The following GLIS3 variants were observed in gnomAD, a reference collection of about 807,000 sequenced individuals.
GLIS3 encodes GLIS family zinc finger 3.
A neutral mutation model predicts 78.6 loss-of-function variants in GLIS3; 53 were observed. That is an observed-to-expected ratio of 0.67 (90% CI 0.54 to 0.85). GLIS3 has a LOEUF of 0.85. Among genes scored for constraint, GLIS3 ranks in the 40% least tolerant of loss-of-function variants. The probability of loss-of-function intolerance (pLI) is 0.00; values close to 1 mark genes in which losing one functional copy is unlikely to be tolerated. For synonymous variants in GLIS3, 684 were observed against 509.9 expected (o/e 1.34, Z -4.60); for missense variants, 1,703 against 1,231.1 (o/e 1.38, Z -5.74).
intron 4 of GLIS3, among the ~76,000 whole-genome samples, chr9:4,043,900 G>C (rs1199377817): frequency 2.6e-5 from 4 of 152,206 alleles, no homozygotes; most frequent in Non-Finnish European, 5.9e-5. Flanking sequence ...GGGGCTCCCA[G>C]ATATATCAGC....
At chr9:4,381,655 T>C in the GLIS3 span, among the ~76,000 whole-genome samples, 1 of 152,216 alleles carries the variant, frequency 6.6e-6, no homozygotes, top group African/African-American at 2.4e-5. Context: ...ACTTCTTGAT[T>C]CATTTTACTT....
chr9:4,112,299 T>C (rs192707805), intron 4 of GLIS3, among the ~76,000 whole-genome samples: 43 of 152,292 alleles, frequency 2.8e-4, no homozygotes, highest in Non-Finnish European at 5.9e-5. Flanking sequence ...CAAGAGAACA[T>C]TAAACTACCC....
At chr9:4,490,023 A>G in the GLIS3 span, among the ~76,000 whole-genome samples, 187 of 152,302 alleles carry the variant, frequency 1.2e-3, 1 homozygote, top group African/African-American at 4.2e-3. Flanking sequence ...GTAGCCGAGC[A>G]AGAGGGACCC....
At chr9:4,289,789 C>G (rs962652781) in intron 1 of GLIS3, among the ~76,000 whole-genome samples, 1 of 152,118 alleles carries the variant, frequency 6.6e-6, no homozygotes, top group Admixed American at 6.6e-5. Context: ...TGAAAATGTT[C>G]ATTCTGCTAA....
the GLIS3 span, among the ~76,000 whole-genome samples, chr9:4,385,772 AGAAAGAAAGAAAGAAAGAAAGAAAGAAAG>A: frequency 1.4e-5 from 1 of 69,304 alleles, no homozygotes; most frequent in Non-Finnish European, 2.8e-5. Context: ...AAAGAAAGAA[AGAAAGAAAGAAAGAAAGAAAGAAAGAAAG>A]AAAGAAAGAA....
intron 6 of GLIS3, among the ~76,000 whole-genome samples, chr9:3,926,237 T>TTG (rs1554648261): frequency 6.7e-6 from 1 of 149,358 alleles, no homozygotes; most frequent in Non-Finnish European, 1.5e-5. Context: ...TCTTTTGTTT[T>TTG]TTTTTTTTTC....
chr9:4,032,164 T>C (rs1440247147), intron 4 of GLIS3, among the ~76,000 whole-genome samples: 3 of 152,190 alleles, frequency 2.0e-5, no homozygotes, highest in Non-Finnish European at 4.4e-5. Context: ...GCCTGATGTA[T>C]GGATGTGGAA....
At chr9:4,333,133 G>C (rs1461824441) in intron 2 of GLIS3, among the ~76,000 whole-genome samples, 3 of 152,118 alleles carry the variant, frequency 2.0e-5, no homozygotes, top group African/African-American at 7.2e-5. Flanking sequence ...TATAGTCCTA[G>C]CTACTCAGAA....
rs1828413531 is a variant in GLIS3, at chr9:4,079,967, C to G, written c.1710+37801G>C. On this transcript the variant is annotated intron_variant, in intron 4 of 10. Coordinates refer to ENST00000381971, the MANE Select transcript of GLIS3 (RefSeq NM_001042413.2). Reference sequence around the variant, plus strand: ...ACTTGTTGAAAAAAGAAAGGATACTCTGAATACTCTCCTCCTTAAGGGTGG... The same window carrying G: ...ACTTGTTGAAAAAAGAAAGGATACTGTGAATACTCTCCTCCTTAAGGGTGG... Among the ~76,000 whole-genome samples, 3 of 152,150 alleles carry G rather than the reference C, an allele frequency of 2.0e-5. No individual in the cohort carries two copies. In the South Asian group the frequency reaches 6.2e-4, roughly 32 times the overall value.
chr9:3,903,395 A>G (rs1823453336), intron 6 of GLIS3, among the ~76,000 whole-genome samples: 1 of 152,212 alleles, frequency 6.6e-6, no homozygotes. Flanking sequence ...TTGCGGAGAA[A>G]AGTGGAATTT....
At chr9:3,867,247 G>C (rs1457530004) in intron 8 of GLIS3, among the ~76,000 whole-genome samples, 2 of 152,238 alleles carry the variant, frequency 1.3e-5, no homozygotes, top group Non-Finnish European at 2.9e-5. Context: ...TGTTGTTGCT[G>C]TTGTTATTTT....
chr9:4,213,947 T>C (rs930612401), intron 2 of GLIS3, among the ~76,000 whole-genome samples: 1 of 141,086 alleles, frequency 7.1e-6, no homozygotes, highest in Non-Finnish European at 1.6e-5. Context: ...AAAAAACAAC[T>C]AAAACTGAAC....
At chr9:4,002,502 T>C (rs1409051684) in intron 4 of GLIS3, among the ~76,000 whole-genome samples, 1 of 152,238 alleles carries the variant, frequency 6.6e-6, no homozygotes, top group Non-Finnish European at 1.5e-5. Context: ...CCCTACATAA[T>C]ACTCAGTTCT....
At position 4,100,249 on chromosome 9, in the gene GLIS3, C is replaced by T. The variant is rs566804894; in HGVS notation, c.1710+17519G>A. ...ATTTCCCTTCCACCATAATTGGCCCCGCTCCCTGCCAGGGCTGAACTGTTA... is the reference window on the plus strand; with the variant it reads ...ATTTCCCTTCCACCATAATTGGCCCTGCTCCCTGCCAGGGCTGAACTGTTA... On this transcript the variant is annotated intron_variant, in intron 4 of 10. Coordinates refer to ENST00000381971, the MANE Select transcript of GLIS3 (RefSeq NM_001042413.2). Among the ~76,000 whole-genome samples, 74 of 152,280 alleles carry T rather than the reference C, an allele frequency of 4.9e-4. 2 individuals carry two copies. Among genetic ancestry groups the T allele is most frequent in the African/African-American group, 1.7e-3 (69 of 41,572 alleles).
chr9:4,335,831 C>A (rs4237152), intron 2 of GLIS3, among the ~76,000 whole-genome samples: 1 of 152,316 alleles, frequency 6.6e-6, no homozygotes, highest in African/African-American at 2.4e-5. Flanking sequence ...CCAGATTTAA[C>A]AGGATAAGGT....
rs546138115 is a variant in GLIS3, at chr9:4,254,806, C to T, written c.388+31232G>A. Among the ~76,000 whole-genome samples, 13 of 150,020 alleles carry T rather than the reference C, an allele frequency of 8.7e-5. No homozygotes were observed. The South Asian group carries it at 2.8e-3, about 32-fold the overall frequency. On this transcript the variant is annotated intron_variant, in intron 2 of 10. Coordinates refer to ENST00000381971, the MANE Select transcript of GLIS3 (RefSeq NM_001042413.2). ...AGTGAGCCAAGACCGTGCCACTGCA[C>T]TCCAGCCTGGCCAACAGAGCAAGAC... is the stretch of plus-strand genomic sequence containing the variant.
chr9:4,384,847 T>G, the GLIS3 span, among the ~76,000 whole-genome samples: 1 of 152,132 alleles, frequency 6.6e-6, no homozygotes, highest in Admixed American at 6.5e-5. Flanking sequence ...ACATATCAGA[T>G]AGAAGACTTT....
At chr9:4,175,333 TA>T (rs1393543726) in intron 2 of GLIS3, among the ~76,000 whole-genome samples, 1 of 152,198 alleles carries the variant, frequency 6.6e-6, no homozygotes, top group Admixed American at 6.5e-5. Context: ...CTGAGAGCTT[TA>T]GGGAGTTGGG....
At chr9:4,271,642 C>T (rs1416572918) in intron 2 of GLIS3, among the ~76,000 whole-genome samples, 1 of 152,210 alleles carries the variant, frequency 6.6e-6, no homozygotes, top group Non-Finnish European at 1.5e-5. Context: ...AGACACCCCC[C>T]TGGATTTTTA....
Sources: allele counts gnomAD v4.1 joint callset (sites outside exome capture counted in the v4.1 genomes callset), GRCh38; gene constraint gnomAD v4.1.1; transcripts MANE v1.5; gene names NCBI Gene and HGNC (gene_info 2026-07-23, HGNC 2026-07-21).